The following CTNND2 variants were observed in gnomAD, a reference collection of about 807,000 sequenced individuals.
CTNND2 encodes the protein catenin delta-2.
In CTNND2, 22 loss-of-function variants were observed where a neutral mutation model predicts 144.4. That is an observed-to-expected ratio of 0.15 (90% CI 0.11 to 0.22). The LOEUF (loss-of-function observed/expected upper bound fraction) is 0.22. Ranked by LOEUF, CTNND2 falls within the 10% of genes least tolerant of loss-of-function variation. The probability of loss-of-function intolerance (pLI) is 1.00; values close to 1 mark genes in which losing one functional copy is unlikely to be tolerated. For synonymous variants in CTNND2, 751 were observed against 695.6 expected (o/e 1.08, Z -1.25); for missense variants, 1,353 against 1,618.8 (o/e 0.84, Z 2.82).
At chr5:11,858,191 C>A (rs1795336604) in intron 1 of CTNND2, among the ~76,000 whole-genome samples, 1 of 152,220 alleles carries the variant, frequency 6.6e-6, no homozygotes, top group Non-Finnish European at 1.5e-5. Flanking sequence ...TTATCAATCC[C>A]TAGACACCTT....
intron 1 of CTNND2, among the ~76,000 whole-genome samples, chr5:11,842,720 G>GAAAAA (rs746686111): frequency 0.062 from 7,861 of 126,844 alleles, 582 homozygotes; most frequent in African/African-American, 0.17. Flanking sequence ...CTCGGTCTCA[G>GAAAAA]AACAAAAAAA....
chr5:11,414,672 T>C (rs1761794568), intron 3 of CTNND2, among the ~76,000 whole-genome samples: 1 of 152,312 alleles, frequency 6.6e-6, no homozygotes, highest in Non-Finnish European at 1.5e-5. Context: ...TCATGGGGGT[T>C]TGTTGTACAG....
chr5:11,109,521 A>G (rs184789914), intron 14 of CTNND2, among the ~76,000 whole-genome samples: 1 of 152,314 alleles, frequency 6.6e-6, no homozygotes, highest in Admixed American at 6.5e-5. Context: ...AAAGTTCTAG[A>G]GGCCATCATT....
At chr5:11,407,123 T>C (rs1346731252) in intron 5 of CTNND2, among the ~76,000 whole-genome samples, 1 of 152,204 alleles carries the variant, frequency 6.6e-6, no homozygotes, top group Non-Finnish European at 1.5e-5. Flanking sequence ...GATGCATAGA[T>C]TAAAGAAAGT....
chr5:11,025,837 C>T (rs996891134), intron 16 of CTNND2, among the ~76,000 whole-genome samples: 1 of 152,148 alleles, frequency 6.6e-6, no homozygotes. Flanking sequence ...ATTCTTGCTG[C>T]CCAGTAGGAG....
chr5:11,360,439 C>A (rs889857078), intron 8 of CTNND2, among the ~76,000 whole-genome samples: 10 of 152,090 alleles, frequency 6.6e-5, no homozygotes, highest in Non-Finnish European at 1.5e-4. Flanking sequence ...GGGGTGAGGT[C>A]AGCATGGGGC....
chr5:11,735,041 A>G lies in CTNND2; in HGVS notation c.38-2769T>C, dbSNP rs571748533. 1.8e-4 allele frequency among the ~76,000 whole-genome samples: 28 copies of G among 152,354 alleles called. No homozygotes were observed. The East Asian group carries it at 5.0e-3, about 27-fold the overall frequency. Reference sequence around the variant, plus strand: ...GAAAAGGAAATCTGTTATGAACAGAATATGTGAGAAGGTTTGGGGAAATAA... The same window carrying G: ...GAAAAGGAAATCTGTTATGAACAGAGTATGTGAGAAGGTTTGGGGAAATAA... On this transcript the variant is annotated intron_variant, in intron 1 of 21. Coordinates refer to ENST00000304623, the MANE Select transcript of CTNND2 (RefSeq NM_001332.4).
chr5:11,020,834 T>TAACCC (rs1561183207), intron 17 of CTNND2, among the ~76,000 whole-genome samples: 1 of 152,126 alleles, frequency 6.6e-6, no homozygotes, highest in African/African-American at 2.4e-5. Flanking sequence ...AATTTAACAC[T>TAACCC]TCTTATTAAA....
intron 12 of CTNND2, 26 bp from the exon 13 acceptor site, chr5:11,117,593 G>C (rs1243535848): frequency 1.3e-6 from 2 of 1,560,982 alleles, no homozygotes; most frequent in South Asian, 2.2e-5. Flanking sequence ...ACACGTCAGC[G>C]ATCTTCACGG....
At chr5:11,690,289 A>C (rs1165321248) in intron 2 of CTNND2, among the ~76,000 whole-genome samples, 1 of 143,082 alleles carries the variant, frequency 7.0e-6, no homozygotes, top group African/African-American at 3.1e-5. Flanking sequence ...TTAAATGTAC[A>C]ACTAAAAAAT....
intron 10 of CTNND2, among the ~76,000 whole-genome samples, chr5:11,222,134 T>C (rs1185092291): frequency 6.6e-6 from 1 of 152,110 alleles, no homozygotes; most frequent in Non-Finnish European, 1.5e-5. Flanking sequence ...CTGCTCACCA[T>C]TGCAAAGACT....
chr5:11,236,449 T>G (rs1292259853), intron 10 of CTNND2, among the ~76,000 whole-genome samples: 2 of 152,214 alleles, frequency 1.3e-5, no homozygotes. Flanking sequence ...CCAGCCTCTA[T>G]TAATAACTAG....
At chr5:11,759,374 T>C (rs1437816845) in intron 1 of CTNND2, among the ~76,000 whole-genome samples, 1 of 152,116 alleles carries the variant, frequency 6.6e-6, no homozygotes, top group Admixed American at 6.6e-5. Flanking sequence ...AATCAGAATT[T>C]GCTTTTTATA....
At chr5:11,310,976 A>G (rs1750753614) in intron 9 of CTNND2, among the ~76,000 whole-genome samples, 2 of 141,332 alleles carry the variant, frequency 1.4e-5, no homozygotes, top group South Asian at 2.3e-4. Context: ...ACACATACAC[A>G]CACTCTCACA....
intron 3 of CTNND2, among the ~76,000 whole-genome samples, chr5:11,470,568 TA>T: frequency 6.6e-6 from 1 of 152,356 alleles, no homozygotes; most frequent in Admixed American, 6.5e-5. Context: ...GATCACTGAC[TA>T]AAGTCCTTGG....
At chr5:11,479,410 T>C (rs1768040089) in intron 3 of CTNND2, among the ~76,000 whole-genome samples, 1 of 152,204 alleles carries the variant, frequency 6.6e-6, no homozygotes, top group Non-Finnish European at 1.5e-5. Flanking sequence ...TGATGGGCAT[T>C]TAGGTAGATA....
chr5:11,620,644 G>T (rs193258995), intron 2 of CTNND2, among the ~76,000 whole-genome samples: 1,745 of 152,212 alleles, frequency 0.011, 28 homozygotes, highest in African/African-American at 0.041. Flanking sequence ...AATAGCAGTT[G>T]TCTCCTGGTC....
intron 9 of CTNND2, among the ~76,000 whole-genome samples, chr5:11,302,226 T>TTC: frequency 6.6e-6 from 1 of 152,280 alleles, no homozygotes; most frequent in Admixed American, 6.5e-5. Context: ...GGAAGCGGGC[T>TTC]TGTGTTTTTC....
At chr5:11,797,407 T>G (rs1001811815) in intron 1 of CTNND2, among the ~76,000 whole-genome samples, 2 of 152,212 alleles carry the variant, frequency 1.3e-5, no homozygotes, top group Non-Finnish European at 1.5e-5. Context: ...TTCCCTCATT[T>G]TGGATGTATT....
Sources: gnomAD v4.1 joint callset for allele counts (sites outside exome capture counted in the v4.1 genomes callset) on GRCh38, gnomAD v4.1.1 for gene constraint, MANE v1.5 for transcripts, NCBI Gene and HGNC (gene_info 2026-07-23, HGNC 2026-07-21) for gene names.